Variants in UNC13C observed in about 807,000 individuals in gnomAD.
The protein encoded by UNC13C is protein unc-13 homolog C.
Under a neutral mutation model 245.4 loss-of-function variants are expected in UNC13C, and 174 were observed. That is an observed-to-expected ratio of 0.71 (90% confidence interval 0.63 to 0.80). The LOEUF (loss-of-function observed/expected upper bound fraction) is 0.80, where lower values mean the gene tolerates loss of function less well. Ranked by LOEUF, UNC13C falls within the 30% of genes least tolerant of loss-of-function variation. The pLI is 0.00. For synonymous variants in UNC13C, 992 were observed against 895.1 expected (o/e 1.11, Z -1.93); for missense variants, 2,829 against 2,602.9 (o/e 1.09, Z -1.89).
chr15:54,283,952 G>A (rs12911007), intron 10 of UNC13C, among the ~76,000 whole-genome samples: 37,598 of 151,940 alleles, frequency 0.25, 4,792 homozygotes, highest in South Asian at 0.26. Flanking sequence ...TACAAAAAAT[G>A]TGTAACTAAT....
intron 19 of UNC13C, among the ~76,000 whole-genome samples, chr15:54,426,962 TA>T (rs1272294376): frequency 6.6e-6 from 1 of 151,796 alleles, no homozygotes; most frequent in African/African-American, 2.4e-5. Flanking sequence ...AATTCAGTGC[TA>T]AAACCTGAGT....
chr15:53,964,147 A>G, the UNC13C span, among the ~76,000 whole-genome samples: 1 of 152,186 alleles, frequency 6.6e-6, no homozygotes, highest in Non-Finnish European at 1.5e-5. Flanking sequence ...AAGGACCAAC[A>G]TCTTTACAGA....
chr15:54,149,977 T>G (rs2032444655), intron 4 of UNC13C, among the ~76,000 whole-genome samples: 1 of 152,180 alleles, frequency 6.6e-6, no homozygotes, highest in Non-Finnish European at 1.5e-5. Flanking sequence ...GGCAGTTGAG[T>G]ATCTGCAGAT....
chr15:54,345,160 A>G (rs2038832119), intron 17 of UNC13C, among the ~76,000 whole-genome samples: 1 of 152,218 alleles, frequency 6.6e-6, no homozygotes, highest in South Asian at 2.1e-4. Flanking sequence ...GCAGGGAAGT[A>G]ATGTGAGCAA....
chr15:54,026,558 C>A (rs114330912), intron 2 of UNC13C, among the ~76,000 whole-genome samples: 157 of 152,286 alleles, frequency 1.0e-3, no homozygotes, highest in African/African-American at 3.6e-3. Flanking sequence ...GACATAGATT[C>A]CTTCATCCAG....
chr15:54,323,403 G>A (rs4776226), intron 14 of UNC13C, among the ~76,000 whole-genome samples: 22,805 of 151,948 alleles, frequency 0.15, 2,213 homozygotes, highest in East Asian at 0.54. Flanking sequence ...TTCACTTTTT[G>A]TTGAAATTTA....
At chr15:54,097,642 G>C (rs944967812) in intron 2 of UNC13C, among the ~76,000 whole-genome samples, 1 of 152,090 alleles carries the variant, frequency 6.6e-6, no homozygotes, top group Non-Finnish European at 1.5e-5. Context: ...TCTAGGAGTG[G>C]ATCCAGAAGG....
At chr15:54,139,429 A>G (rs2031905388) in intron 2 of UNC13C, among the ~76,000 whole-genome samples, 1 of 152,194 alleles carries the variant, frequency 6.6e-6, no homozygotes, top group African/African-American at 2.4e-5. Context: ...GAGGTAGGAC[A>G]CAATTCAACC....
chr15:54,481,477 G>A (rs1018976831), intron 19 of UNC13C, among the ~76,000 whole-genome samples: 2 of 152,146 alleles, frequency 1.3e-5, no homozygotes, highest in African/African-American at 2.4e-5. Context: ...CAGGGTCTTG[G>A]AAGGTGTGTG....
At chr15:54,581,352 C>T (rs1898192246) in intron 30 of UNC13C, among the ~76,000 whole-genome samples, 2 of 152,214 alleles carry the variant, frequency 1.3e-5, no homozygotes, top group Admixed American at 1.3e-4. Flanking sequence ...ATTACCTGCT[C>T]AGGCTGTCAT....
At chr15:54,406,726 T>G (rs915925363) in intron 18 of UNC13C, among the ~76,000 whole-genome samples, 1 of 152,170 alleles carries the variant, frequency 6.6e-6, no homozygotes, top group African/African-American at 2.4e-5. Context: ...ATTCTTAATA[T>G]TAAGTGAGCT....
chr15:54,283,123 C>A (rs1416813250), intron 10 of UNC13C, among the ~76,000 whole-genome samples: 1 of 152,090 alleles, frequency 6.6e-6, no homozygotes, highest in African/African-American at 2.4e-5. Context: ...GAATCCAGTC[C>A]AAGGATTTAA....
chr15:54,541,647 C>T (rs934852002), intron 26 of UNC13C, among the ~76,000 whole-genome samples: 1 of 152,016 alleles, frequency 6.6e-6, no homozygotes, highest in Non-Finnish European at 1.5e-5. Flanking sequence ...CTTCCGTGGA[C>T]AAGTACCCAA....
At chr15:54,455,961 C>T (rs181917059) in intron 19 of UNC13C, among the ~76,000 whole-genome samples, 1 of 152,174 alleles carries the variant, frequency 6.6e-6, no homozygotes, top group Admixed American at 6.5e-5. Flanking sequence ...GTCTCAAAGA[C>T]TTTTTCTGAT....
chr15:54,294,394 A>G (rs1347795013), intron 11 of UNC13C, among the ~76,000 whole-genome samples: 6 of 152,072 alleles, frequency 3.9e-5, no homozygotes, highest in African/African-American at 1.4e-4. Context: ...CAAATAACCT[A>G]TTATTTAATG....
the UNC13C span, among the ~76,000 whole-genome samples, chr15:53,849,774 GA>G: frequency 3.3e-5 from 5 of 152,086 alleles, no homozygotes; most frequent in Non-Finnish European, 7.4e-5. Context: ...GTGCTTCCAG[GA>G]GATGACATTA....
chr15:53,880,331 C>A, the UNC13C span, among the ~76,000 whole-genome samples: 2 of 152,332 alleles, frequency 1.3e-5, no homozygotes, highest in East Asian at 3.9e-4. Flanking sequence ...AATCAATATT[C>A]ACACAGAATA....
intron 13 of UNC13C, among the ~76,000 whole-genome samples, chr15:54,319,586 G>C (rs1352011412): frequency 1.3e-5 from 2 of 151,854 alleles, no homozygotes; most frequent in African/African-American, 2.4e-5. Context: ...TTGTTAATCA[G>C]TATTATGACA....
chr15:54,018,926 TA>T lies in UNC13C; in HGVS notation c.2983+3047del, dbSNP rs1304699139. On this transcript the variant is annotated intron_variant, in intron 2 of 32. Transcript: ENST00000260323. Reference sequence around the variant, plus strand: ...GAATCAAGAGAGGTGGGATACTAAATAAAAAAACACAAACTTTAAAGTCAAA... The same window carrying T: ...GAATCAAGAGAGGTGGGATACTAAATAAAAAACACAAACTTTAAAGTCAAA... Among the ~76,000 whole-genome samples the T allele has an allele frequency of 5.9e-5, 9 of 152,192 alleles. No homozygotes were observed. The East Asian group carries it at 1.5e-3, about 26-fold the overall frequency.
Sources: allele counts gnomAD v4.1 joint callset (sites outside exome capture counted in the v4.1 genomes callset), GRCh38; gene constraint gnomAD v4.1.1; transcripts MANE v1.5; gene names NCBI Gene and HGNC (gene_info 2026-07-23, HGNC 2026-07-21).